FMNL1: variants seen among roughly 807,000 people sequenced by gnomAD.
The protein encoded by FMNL1 is formin-like protein 1.
FMNL1 carries 43 observed loss-of-function variants against 121.3 expected under a neutral mutation model. The observed-to-expected ratio is 0.35, with a 90% confidence interval of 0.28 to 0.46. FMNL1 has a LOEUF of 0.46. Among genes scored for constraint, FMNL1 ranks in the 20% least tolerant of loss-of-function variants. The pLI, the probability that FMNL1 is intolerant of heterozygous loss-of-function variation, is 1.00. For synonymous variants in FMNL1, 613 were observed against 613.5 expected (o/e 1.00, Z 0.01); for missense variants, 1,191 against 1,482.4 (o/e 0.80, Z 3.23).
chr17:45,240,707 C>A, intron 12 of FMNL1, 82 bp downstream of exon 12: 1 of 1,513,714 alleles, frequency 6.6e-7, no homozygotes, highest in Non-Finnish European at 8.9e-7. Flanking sequence ...AGCATGGGCA[C>A]TGGGCAGCAG....
chr17:45,226,554 G>A (rs988034011), intron 1 of FMNL1, among the ~76,000 whole-genome samples: 7 of 152,218 alleles, frequency 4.6e-5, no homozygotes, highest in Non-Finnish European at 8.8e-5. Flanking sequence ...CCCTGGGCAA[G>A]CACCTTAACC....
chr17:45,238,906 G>A, intron 10 of FMNL1, 49 bp from the exon 11 acceptor site: 1 of 1,514,654 alleles, frequency 6.6e-7, no homozygotes, highest in Non-Finnish European at 9.2e-7. Context: ...AAGGCATTGA[G>A]CAACCCCACC....
chr17:45,233,206 C>T lies in FMNL1; in HGVS notation c.328-18C>T, dbSNP rs2143355157. 6.4e-7 allele frequency: 1 copy of T among 1,552,920 alleles called. No homozygotes were observed. The highest frequency in any genetic ancestry group is 8.7e-7 in the Non-Finnish European group (1 of 1,147,880). On this transcript the variant is annotated intron_variant, in intron 3 of 26. Transcript: ENST00000331495. The surrounding 1 kb of genome is among the most constrained non-coding windows in gnomAD (Gnocchi z 4.1). ...GGCCGGGCTCCACCCACCAGCCTTC[C>T]CTGTTCTCGGTCCCCAGTTTAAGAG...
intron 26 of FMNL1, 52 bp from the exon 27 acceptor site, chr17:45,246,815 C>T (rs1360977914): frequency 4.3e-6 from 3 of 699,226 alleles, no homozygotes; most frequent in East Asian, 2.7e-5. Flanking sequence ...GAGCCATGCT[C>T]CCAGCTCTGG....
intron 7 of FMNL1, 90 bp downstream of exon 7, chr17:45,236,334 G>A (rs2043549771): frequency 9.2e-7 from 1 of 1,086,714 alleles, no homozygotes; most frequent in Middle Eastern, 2.0e-4. Context: ...GGGATCCACT[G>A]TCCCTTTACC....
At chr17:45,228,483 C>T (rs2043374034) in intron 1 of FMNL1, among the ~76,000 whole-genome samples, 1 of 152,242 alleles carries the variant, frequency 6.6e-6, no homozygotes, top group Non-Finnish European at 1.5e-5. Flanking sequence ...CAGCCCAGCT[C>T]TCCTCTTACT....
At chr17:45,224,706 T>C (rs1598176587) in intron 1 of FMNL1, among the ~76,000 whole-genome samples, 3 of 151,802 alleles carry the variant, frequency 2.0e-5, no homozygotes, top group Admixed American at 2.0e-4. Context: ...CAAGGGTGGG[T>C]GGTGGGGGGC....
rs2043830603 is a variant in FMNL1 at position 45,246,236 on chromosome 17, G to A, written c.3117G>A (p.Gln1039=). 1 of 1,612,734 alleles carries A rather than the reference G, an allele frequency of 6.2e-7. No homozygotes were observed. Among genetic ancestry groups the A allele is most frequent in the South Asian group, 1.1e-5 (1 of 91,066 alleles). Residue 1039 remains glutamine (Q), a synonymous_variant, in exon 25 of 27, where the codon CAG becomes CAA. Coordinates refer to ENST00000331495, the MANE Select transcript of FMNL1 (RefSeq NM_005892.4). ...PKSPPKARRP[Q]MDLISELKRR... ...CACCGCCAAAGGCCCGGCGGCCACA[G>A]ATGGACCTCATCTCTGAGCTGAAAC...
chr17:45,240,998 C>G (rs2043676673), intron 12 of FMNL1, 131 bp from the exon 13 acceptor site: 4 of 1,180,634 alleles, frequency 3.4e-6, no homozygotes, highest in Non-Finnish European at 4.9e-6. Context: ...TCGGCCCACC[C>G]TTGGCACCTG....
At position 45,233,596 on chromosome 17, in the gene FMNL1, G is replaced by A; in HGVS notation, c.402-52G>A. Reference sequence around the variant, plus strand: ...CTTGCTGTCCCTGTTCTGTGCCCATGTGGGGCAGGACCTCCTTTCTGGCTG... The same window carrying A: ...CTTGCTGTCCCTGTTCTGTGCCCATATGGGGCAGGACCTCCTTTCTGGCTG... On this transcript the variant is annotated intron_variant, in intron 4 of 26. Coordinates refer to ENST00000331495, the MANE Select transcript of FMNL1 (RefSeq NM_005892.4). The surrounding 1 kb of genome is among the most constrained non-coding windows in gnomAD (Gnocchi z 4.1). The A allele has an allele frequency of 6.2e-7, 1 of 1,605,120 alleles. No homozygotes were observed. The highest frequency in any genetic ancestry group is 8.5e-7 in the Non-Finnish European group (1 of 1,172,682).
In FMNL1 at chr17:45,243,191, T is replaced by G. The variant is rs1448941080; in HGVS notation, c.2084T>G (p.Leu695Arg). 6.2e-7 allele frequency: 1 copy of G among 1,614,068 alleles called. No individual in the cohort carries two copies. Among genetic ancestry groups the G allele is most frequent in the African/African-American group, 1.3e-5 (1 of 74,918 alleles). The part of the protein sequence containing the change: ...SQGPSLDLSA[L>R]KSKAAQKAPS... ...GGCCCCAGCCTGGACCTCAGCGCTC[T>G]CAAGAGTAAGGCAGCCCAGAAGGCC... The change falls in exon 17 of 27, where the codon CTC (leucine) becomes CGC (arginine). Residue 695 changes from leucine to arginine, a missense_variant. Coordinates refer to ENST00000331495, the MANE Select transcript of FMNL1 (RefSeq NM_005892.4).
chr17:45,236,254 G>A lies in FMNL1; in HGVS notation c.723+10G>A. On this transcript the variant is annotated intron_variant, in intron 7 of 26. Transcript: ENST00000331495. The stretch of plus-strand genomic sequence containing the variant: ...CATCATGAACTACCAGGTCAGCCGA[G>A]GGGCATGGGACTGGCGACTAGGGAG... The A allele has an allele frequency of 6.2e-7, 1 of 1,612,054 alleles. No homozygotes were observed. Among genetic ancestry groups the A allele is most frequent in the South Asian group, 1.1e-5 (1 of 90,932 alleles).
chr17:45,231,865 C>T lies in FMNL1; in HGVS notation c.214-502C>T, dbSNP rs1473834555. 6.6e-6 allele frequency among the ~76,000 whole-genome samples: 1 copy of T among 152,196 alleles called. No homozygotes were observed. The highest frequency in any genetic ancestry group is 2.4e-5 in the African/African-American group (1 of 41,438). On this transcript the variant is annotated intron_variant, in intron 2 of 26. Coordinates refer to ENST00000331495, the MANE Select transcript of FMNL1 (RefSeq NM_005892.4). This position sits in a 1 kb window ranked among gnomAD's most constrained non-coding sequence, Gnocchi z 4.7. ...AGCTCTGGTCCAGGGAGGGCACCAC[C>T]TGCTGGCTAGACTGAGTTCCTTCCC...
At chr17:45,228,197 C>T (rs2043368563) in intron 1 of FMNL1, among the ~76,000 whole-genome samples, 1 of 152,240 alleles carries the variant, frequency 6.6e-6, no homozygotes, top group African/African-American at 2.4e-5. Context: ...GTGGGCACAG[C>T]CACAGCTGAG....
At chr17:45,230,535 A>G in intron 1 of FMNL1, 69 bp from the exon 2 acceptor site, 4 of 1,497,872 alleles carry the variant, frequency 2.7e-6, no homozygotes, top group South Asian at 1.1e-5. Flanking sequence ...GTTTCCCCCA[A>G]ATGCCCATTC....
intron 1 of FMNL1, among the ~76,000 whole-genome samples, chr17:45,228,417 C>T (rs1215665404): frequency 1.3e-5 from 2 of 152,224 alleles, no homozygotes; most frequent in Non-Finnish European, 2.9e-5. Context: ...AACCAGGGGG[C>T]TGTCCTGGGG....
At chr17:45,227,958 C>G (rs746759992) in intron 1 of FMNL1, among the ~76,000 whole-genome samples, 2 of 152,174 alleles carry the variant, frequency 1.3e-5, no homozygotes, top group Non-Finnish European at 2.9e-5. Context: ...CCCTGCCCCC[C>G]TCAGGAGGCA....
chr17:45,236,067 C>G, intron 6 of FMNL1, 69 bp from the exon 7 acceptor site: 1 of 1,299,876 alleles, frequency 7.7e-7, no homozygotes. Context: ...ACCCCAGAGG[C>G]TGAGTGGTGG....
Position 45,236,029 on chromosome 17 carries a change from C to T in FMNL1, c.615-107C>T, listed in dbSNP as rs961651615. 5.5e-5 allele frequency: 47 copies of T among 848,688 alleles called. No individual in the cohort carries two copies. In the Middle Eastern group the frequency reaches 1.4e-3, roughly 25 times the overall value. The allele number at this position is 848,688 out of a possible 1,614,324, so 52.6% of individuals were successfully genotyped here. ...TTGGTTGGGTAGATGGGATGTGGTGCCGTCAGGTTCCAGATGTGCCTCCTC... is the reference window on the plus strand; with the variant it reads ...TTGGTTGGGTAGATGGGATGTGGTGTCGTCAGGTTCCAGATGTGCCTCCTC... On this transcript the variant is annotated intron_variant, in intron 6 of 26. Transcript: ENST00000331495.
Sources: allele counts gnomAD v4.1 joint callset (sites outside exome capture counted in the v4.1 genomes callset), GRCh38; gene constraint gnomAD v4.1.1; non-coding constraint Gnocchi (gnomAD v3.1); transcripts MANE v1.5; gene names NCBI Gene and HGNC (gene_info 2026-07-23, HGNC 2026-07-21).